LRRTM4: variants seen among roughly 807,000 people sequenced by gnomAD.
The protein encoded by LRRTM4 is leucine rich repeat transmembrane neuronal 4.
In LRRTM4, 25 loss-of-function variants were observed where a neutral mutation model predicts 47.6. That is an observed-to-expected ratio of 0.53 (90% confidence interval 0.38 to 0.73). The LOEUF (loss-of-function observed/expected upper bound fraction) is 0.73, where lower values mean the gene tolerates loss of function less well. Among genes scored for constraint, LRRTM4 ranks in the 30% least tolerant of loss-of-function variants. LRRTM4 has a pLI of 0.00. For synonymous variants in LRRTM4, 311 were observed against 269.5 expected, an observed-to-expected ratio of 1.15 and a Z score of -1.51; for missense variants, 638 against 713.4, an observed-to-expected ratio of 0.89 and a Z score of 1.20.
intron 3 of LRRTM4, among the ~76,000 whole-genome samples, chr2:77,248,970 A>G (rs1462344865): frequency 6.6e-6 from 1 of 152,212 alleles, no homozygotes; most frequent in Non-Finnish European, 1.5e-5. Flanking sequence ...GAAAATTTAG[A>G]TGAACTAGGG....
chr2:77,087,610 C>T (rs1007005614), intron 3 of LRRTM4, among the ~76,000 whole-genome samples: 3 of 152,180 alleles, frequency 2.0e-5, no homozygotes, highest in Non-Finnish European at 4.4e-5. Flanking sequence ...TGACTACAAA[C>T]CACCATCAGT....
chr2:77,424,725 GA>G (rs1467449648), intron 3 of LRRTM4, among the ~76,000 whole-genome samples: 1 of 152,098 alleles, frequency 6.6e-6, no homozygotes, highest in Non-Finnish European at 1.5e-5. Flanking sequence ...AACTAAAAAT[GA>G]ATCAGAACAA....
intron 3 of LRRTM4, among the ~76,000 whole-genome samples, chr2:77,142,505 C>T (rs540718949): frequency 2.0e-5 from 3 of 151,744 alleles, no homozygotes; most frequent in Admixed American, 6.6e-5. Context: ...TCTATTGATT[C>T]GATGTATATA....
chr2:77,086,471 T>C (rs1680718618), intron 3 of LRRTM4, among the ~76,000 whole-genome samples: 1 of 146,622 alleles, frequency 6.8e-6, no homozygotes. Context: ...AGGTTACATA[T>C]AATAATTTTT....
intron 3 of LRRTM4, among the ~76,000 whole-genome samples, chr2:77,214,620 A>G (rs747886099): frequency 2.0e-5 from 3 of 152,172 alleles, no homozygotes; most frequent in Non-Finnish European, 4.4e-5. Context: ...TGTTACATAT[A>G]ATGCTTGTAT....
At chr2:77,207,236 T>TAC (rs1674152932) in intron 3 of LRRTM4, among the ~76,000 whole-genome samples, 1 of 146,228 alleles carries the variant, frequency 6.8e-6, no homozygotes, top group African/African-American at 2.5e-5. Flanking sequence ...TGTGTATATA[T>TAC]ATATACGTAT....
chr2:77,471,887 G>A (rs1280597849), intron 3 of LRRTM4, among the ~76,000 whole-genome samples: 1 of 152,112 alleles, frequency 6.6e-6, no homozygotes, highest in Non-Finnish European at 1.5e-5. Context: ...CTAATTATGT[G>A]TAAATTCTGT....
chr2:76,991,390 C>T (rs1341091013), intron 3 of LRRTM4, among the ~76,000 whole-genome samples: 1 of 151,484 alleles, frequency 6.6e-6, no homozygotes, highest in East Asian at 1.9e-4. Flanking sequence ...GATCAATAGA[C>T]CACTAGCTAG....
intron 3 of LRRTM4, among the ~76,000 whole-genome samples, chr2:77,513,019 A>G (rs2104108311): frequency 6.6e-6 from 1 of 152,290 alleles, no homozygotes; most frequent in Non-Finnish European, 1.5e-5. Flanking sequence ...TCTATTCACA[A>G]ATAGATTTTA....
intron 3 of LRRTM4, among the ~76,000 whole-genome samples, chr2:77,500,797 A>T (rs1233914779): frequency 6.6e-6 from 1 of 151,580 alleles, no homozygotes; most frequent in Non-Finnish European, 1.5e-5. Flanking sequence ...AATATCCTAA[A>T]CATCTCACTT....
At chr2:77,208,293 C>G (rs1247360916) in intron 3 of LRRTM4, among the ~76,000 whole-genome samples, 1 of 152,122 alleles carries the variant, frequency 6.6e-6, no homozygotes, top group Non-Finnish European at 1.5e-5. Context: ...GCCCCCTCTT[C>G]CTCCCTTTCT....
chr2:77,135,372 T>C (rs1016585290), intron 3 of LRRTM4, among the ~76,000 whole-genome samples: 1 of 152,206 alleles, frequency 6.6e-6, no homozygotes, highest in Non-Finnish European at 1.5e-5. Context: ...GTTTTCATCA[T>C]AACCAGGGTA....
At chr2:77,053,601 A>G (rs554432463) in intron 3 of LRRTM4, among the ~76,000 whole-genome samples, 2 of 152,256 alleles carry the variant, frequency 1.3e-5, no homozygotes, top group East Asian at 1.9e-4. Flanking sequence ...AGTGATTTCA[A>G]TAATTATCTC....
intron 3 of LRRTM4, among the ~76,000 whole-genome samples, chr2:77,125,502 C>A (rs1047527771): frequency 2.6e-5 from 4 of 152,074 alleles, no homozygotes; most frequent in African/African-American, 9.7e-5. Context: ...TCAAGTCAAA[C>A]CTCCTTTGTC....
At chr2:77,103,667 A>ATATATATCTATATC (rs59351218) in intron 3 of LRRTM4, among the ~76,000 whole-genome samples, 15 of 146,284 alleles carry the variant, frequency 1.0e-4, no homozygotes, top group African/African-American at 3.6e-4. Context: ...ATATATAGAT[A>ATATATATCTATATC]TATATATCAC....
intron 3 of LRRTM4, among the ~76,000 whole-genome samples, chr2:77,355,942 A>T (rs927868970): frequency 6.6e-6 from 1 of 152,156 alleles, no homozygotes; most frequent in African/African-American, 2.4e-5. Context: ...ACTACAAAAA[A>T]ATTAGCTGGG....
chr2:77,160,569 T>C (rs1273337913), intron 3 of LRRTM4, among the ~76,000 whole-genome samples: 1 of 152,124 alleles, frequency 6.6e-6, no homozygotes, highest in Non-Finnish European at 1.5e-5. Flanking sequence ...GGACAAAGCA[T>C]GGATGGATGC....
At position 76,812,234 on chromosome 2, in the gene LRRTM4, T is replaced by A. The variant is rs567364771; in HGVS notation, c.1552-63318A>T. 4.8e-4 allele frequency among the ~76,000 whole-genome samples: 73 copies of A among 152,258 alleles called. 1 individual carries two copies. The highest frequency in any genetic ancestry group is 1.7e-3 in the African/African-American group (70 of 41,566). ...CCATATATCTAATCCAATTTTCAGA[T>A]CTAGGATCCATTCTAGTCACTTAAA... On this transcript the variant is annotated intron_variant, in intron 3 of 3. Coordinates refer to ENST00000409884, the MANE Select transcript of LRRTM4 (RefSeq NM_001134745.3).
At chr2:77,358,731 C>T (rs1672065440) in intron 3 of LRRTM4, among the ~76,000 whole-genome samples, 1 of 152,078 alleles carries the variant, frequency 6.6e-6, no homozygotes, top group Non-Finnish European at 1.5e-5. Flanking sequence ...TTCCCCATTA[C>T]CTTATGGCTT....
Sources: allele counts gnomAD v4.1 joint callset (sites outside exome capture counted in the v4.1 genomes callset), GRCh38; gene constraint gnomAD v4.1.1; transcripts MANE v1.5; gene names NCBI Gene and HGNC (gene_info 2026-07-23, HGNC 2026-07-21).